GRB2: variants seen among roughly 807,000 people sequenced by gnomAD.
GRB2 encodes growth factor receptor-bound protein 2.
A neutral mutation model predicts 27.4 loss-of-function variants in GRB2; 2 were observed. The observed-to-expected ratio is 0.07, with a 90% CI of 0.03 to 0.23. GRB2 has a LOEUF of 0.23. GRB2 is among the 10% of genes least tolerant of loss of function. The pLI, the probability that GRB2 is intolerant of heterozygous loss-of-function variation, is 1.00. For synonymous variants in GRB2, 94 were observed against 99.6 expected (o/e 0.94, Z 0.33); for missense variants, 102 against 282.4 (o/e 0.36, Z 4.58).
At chr17:75,399,150 C>T (rs756081237) in intron 1 of GRB2, among the ~76,000 whole-genome samples, 5 of 152,068 alleles carry the variant, frequency 3.3e-5, no homozygotes, top group African/African-American at 9.7e-5. Context: ...TTGGCTCAAG[C>T]CATCCTCCTG....
chr17:75,393,429 T>C lies in GRB2; in HGVS notation c.78+122A>G. On this transcript the variant is annotated intron_variant, in intron 2 of 5. Coordinates refer to ENST00000316804, the MANE Select transcript of GRB2 (RefSeq NM_002086.5). ...CATCTAAAGCTCTCCAGAACAAATA[T>C]GATGGTAAATGTTAAAAGTGTACAA... 3 of 793,950 alleles carry C rather than the reference T, an allele frequency of 3.8e-6. No individual in the cohort carries two copies. The South Asian group carries it at 4.5e-5, about 12-fold the overall frequency. The allele number at this position is 793,950 out of a possible 1,614,324, so 49.2% of individuals were successfully genotyped here.
chr17:75,391,278 C>T (rs1043423004), intron 2 of GRB2, among the ~76,000 whole-genome samples: 2 of 152,130 alleles, frequency 1.3e-5, no homozygotes, highest in Non-Finnish European at 2.9e-5. Context: ...ATTTTTCTCT[C>T]TCCTCAAAGA....
intron 2 of GRB2, among the ~76,000 whole-genome samples, chr17:75,385,745 A>G (rs2078959855): frequency 6.6e-6 from 1 of 152,210 alleles, no homozygotes; most frequent in Non-Finnish European, 1.5e-5. Context: ...AGCTTAGAGC[A>G]AAGGCATGCT....
intron 2 of GRB2, among the ~76,000 whole-genome samples, chr17:75,348,327 G>A (rs2078667512): frequency 6.6e-6 from 1 of 152,154 alleles, no homozygotes; most frequent in Non-Finnish European, 1.5e-5. Context: ...CTATAGGCAT[G>A]AGCCATAATG....
intron 2 of GRB2, chr17:75,371,886 A>G (rs1476323297): frequency 6.6e-6 from 1 of 152,186 alleles, no homozygotes; most frequent in East Asian, 1.9e-4. Flanking sequence ...AACACTGTAG[A>G]GCTTTCTGGA....
chr17:75,331,505 C>T (rs1188803135), intron 3 of GRB2, among the ~76,000 whole-genome samples: 1 of 152,144 alleles, frequency 6.6e-6, no homozygotes, highest in Non-Finnish European at 1.5e-5. Flanking sequence ...AATTTCGAGC[C>T]ACAGGCATGT....
At chr17:75,339,699 TCACTGCCAC>T (rs1241507051) in intron 2 of GRB2, among the ~76,000 whole-genome samples, 4 of 151,152 alleles carry the variant, frequency 2.6e-5, no homozygotes, top group African/African-American at 9.7e-5. Context: ...CCATCTCAGC[TCACTGCCAC>T]CTCTGCCTCC....
chr17:75,336,592 A>G (rs1393779463), intron 2 of GRB2, among the ~76,000 whole-genome samples: 1 of 152,128 alleles, frequency 6.6e-6, no homozygotes, highest in Non-Finnish European at 1.5e-5. Flanking sequence ...CCCTCCCCCA[A>G]CAAACACAAC....
intron 2 of GRB2, among the ~76,000 whole-genome samples, chr17:75,375,039 A>C (rs1306174524): frequency 6.6e-6 from 1 of 151,732 alleles, no homozygotes; most frequent in African/African-American, 2.4e-5. Context: ...GGGACTGCAG[A>C]TGTGTGCCAC....
chr17:75,381,909 T>C (rs1250636637), intron 2 of GRB2, among the ~76,000 whole-genome samples: 3 of 151,844 alleles, frequency 2.0e-5, no homozygotes, highest in Admixed American at 6.6e-5. Flanking sequence ...AAAAGAAAAA[T>C]GTTACCAAGG....
At chr17:75,349,559 G>A (rs2078676234) in intron 2 of GRB2, among the ~76,000 whole-genome samples, 1 of 140,842 alleles carries the variant, frequency 7.1e-6, no homozygotes, top group Non-Finnish European at 1.5e-5. Context: ...TGCCCAGGCT[G>A]GACTGCAGTG....
rs767194304 is a variant in GRB2 at position 75,324,507 on chromosome 17, G to GTTTTTT, written c.299+1385_299+1390dup. On this transcript the variant is annotated intron_variant, in intron 4 of 5. Coordinates refer to ENST00000316804, the MANE Select transcript of GRB2 (RefSeq NM_002086.5). ...TTACAGGTGTGAGCCACCGCACCCA[G>GTTTTTT]TTTTTTTTTTTTTTTTTTTTTTTTT... 6.6e-3 allele frequency among the ~76,000 whole-genome samples: 241 copies of GTTTTTT among 36,664 alleles called. 16 individuals are homozygous for GTTTTTT. The highest frequency in any genetic ancestry group is 0.032 in the East Asian group (12 of 378). The allele number at this position is 36,664 out of a possible 152,430, so 24.1% of individuals were successfully genotyped here.
intron 1 of GRB2, 125 bp from the exon 2 acceptor site, chr17:75,393,890 C>T (rs1399470639): frequency 2.0e-6 from 1 of 502,268 alleles, no homozygotes; most frequent in Non-Finnish European, 3.5e-6. Context: ...TCCTCCCTCC[C>T]TTCCAGGCAA....
intron 4 of GRB2, among the ~76,000 whole-genome samples, chr17:75,322,624 G>A (rs1283367082): frequency 6.6e-6 from 1 of 152,080 alleles, no homozygotes; most frequent in Non-Finnish European, 1.5e-5. Context: ...ACAAAAGGAC[G>A]TACTGGGACA....
intron 2 of GRB2, among the ~76,000 whole-genome samples, chr17:75,358,166 C>A (rs929567584): frequency 3.9e-5 from 6 of 152,040 alleles, no homozygotes; most frequent in African/African-American, 1.4e-4. Flanking sequence ...AATCCTTTAA[C>A]CTAATTATTA....
At chr17:75,348,229 G>A (rs2077764556) in intron 2 of GRB2, among the ~76,000 whole-genome samples, 1 of 152,068 alleles carries the variant, frequency 6.6e-6, no homozygotes, top group Admixed American at 6.6e-5. Context: ...ATTTTTTTGT[G>A]GAGGCAGGGT....
chr17:75,397,191 C>T (rs1340081048), intron 1 of GRB2, among the ~76,000 whole-genome samples: 1 of 152,054 alleles, frequency 6.6e-6, no homozygotes, highest in African/African-American at 2.4e-5. Context: ...TTAGGTTATC[C>T]ACCCAAAAGA....
chr17:75,376,323 TG>T (rs2078893308), intron 2 of GRB2, among the ~76,000 whole-genome samples: 2 of 121,902 alleles, frequency 1.6e-5, no homozygotes, highest in Non-Finnish European at 3.2e-5. Context: ...CCAGCCTGGG[TG>T]ACAGACAGAG....
intron 2 of GRB2, among the ~76,000 whole-genome samples, chr17:75,347,131 C>A (rs1427485320): frequency 2.0e-5 from 3 of 152,136 alleles, no homozygotes; most frequent in African/African-American, 7.2e-5. Flanking sequence ...AACCTGATTA[C>A]CAGCTGTGGA....
Sources: gnomAD v4.1 joint callset for allele counts (sites outside exome capture counted in the v4.1 genomes callset) on GRCh38, gnomAD v4.1.1 for gene constraint, MANE v1.5 for transcripts, NCBI Gene and HGNC (gene_info 2026-07-23, HGNC 2026-07-21) for gene names.